Variants in EFCAB11 observed in about 807,000 individuals in gnomAD.
EFCAB11 encodes EF-hand calcium binding domain 11.
Under a neutral mutation model 23.0 loss-of-function variants are expected in EFCAB11, and 14 were observed. That is an observed-to-expected ratio of 0.61 (90% CI 0.40 to 0.95). The LOEUF (loss-of-function observed/expected upper bound fraction) is 0.95. EFCAB11 is among the 40% of genes least tolerant of loss of function. EFCAB11 has a pLI of 0.00. For missense variants in EFCAB11, 198 were observed against 195.8 expected, an observed-to-expected ratio of 1.01 and a Z score of -0.07; for synonymous variants, 65 against 66.6, an observed-to-expected ratio of 0.98 and a Z score of 0.11.
chr14:89,863,012 C>G (rs1360627185), intron 5 of EFCAB11, among the ~76,000 whole-genome samples: 1 of 152,076 alleles, frequency 6.6e-6, no homozygotes, highest in African/African-American at 2.4e-5. Context: ...TAATGTGCAT[C>G]TTCTATGTGC....
At chr14:89,841,526 G>A (rs1750636187) in intron 5 of EFCAB11, among the ~76,000 whole-genome samples, 1 of 151,842 alleles carries the variant, frequency 6.6e-6, no homozygotes, top group South Asian at 2.1e-4. Context: ...TATTGTTCTG[G>A]AAGCAGTCAA....
chr14:89,918,594 A>G (rs1889925858), intron 5 of EFCAB11, among the ~76,000 whole-genome samples: 1 of 151,966 alleles, frequency 6.6e-6, no homozygotes, highest in African/African-American at 2.4e-5. Flanking sequence ...CAGAAAAGAG[A>G]TGAAGAGAAG....
At chr14:89,799,918 G>T (rs1161800742) in intron 5 of EFCAB11, among the ~76,000 whole-genome samples, 1 of 152,164 alleles carries the variant, frequency 6.6e-6, no homozygotes, top group Non-Finnish European at 1.5e-5. Flanking sequence ...GGGCGTGGTG[G>T]CTCATGCTTG....
intron 5 of EFCAB11, among the ~76,000 whole-genome samples, chr14:89,810,347 A>C (rs1217890685): frequency 6.6e-6 from 1 of 152,194 alleles, no homozygotes; most frequent in African/African-American, 2.4e-5. Flanking sequence ...CTGCTATTTA[A>C]ATGTAAAACA....
At position 89,809,608 on chromosome 14, in the gene EFCAB11, TTAAG is replaced by T. The variant is rs1348482198; in HGVS notation, c.411-12288_411-12285del. Among the ~76,000 whole-genome samples the T allele has an allele frequency of 3.3e-5, 5 of 152,282 alleles. No individual in the cohort carries two copies. In the East Asian group the frequency reaches 9.6e-4, roughly 29 times the overall value. ...TATTTCAGGATATTTATTAAACAAA[TTAAG>T]TATTTACATTATGCTCAAGCACAGA... On this transcript the variant is annotated intron_variant, in intron 5 of 5. Coordinates refer to ENST00000316738, the MANE Select transcript of EFCAB11 (RefSeq NM_145231.4).
intron 5 of EFCAB11, among the ~76,000 whole-genome samples, chr14:89,866,031 C>G (rs1250051705): frequency 6.6e-6 from 1 of 152,008 alleles, no homozygotes; most frequent in Non-Finnish European, 1.5e-5. Flanking sequence ...GTGATCCGCC[C>G]ACCTCAGCCT....
chr14:89,889,196 A>T (rs1364825836), intron 5 of EFCAB11, among the ~76,000 whole-genome samples: 1 of 152,174 alleles, frequency 6.6e-6, no homozygotes, highest in Non-Finnish European at 1.5e-5. Context: ...TTTTTTTGAC[A>T]ATTTATTTTA....
At chr14:89,904,994 AAAGT>A (rs1183355706) in intron 5 of EFCAB11, among the ~76,000 whole-genome samples, 1 of 152,160 alleles carries the variant, frequency 6.6e-6, no homozygotes, top group African/African-American at 2.4e-5. Context: ...CTCTTTGCTC[AAAGT>A]AAGTCACAAG....
At chr14:89,932,773 A>C (rs1362523818) in intron 3 of EFCAB11, 146 bp from the exon 4 acceptor site, 1 of 666,476 alleles carries the variant, frequency 1.5e-6, no homozygotes, top group Non-Finnish European at 2.5e-6. Flanking sequence ...AGATCTGTGA[A>C]GTTTCCTGAA....
At chr14:89,832,759 T>C (rs1404258535) in intron 5 of EFCAB11, among the ~76,000 whole-genome samples, 1 of 152,242 alleles carries the variant, frequency 6.6e-6, no homozygotes, top group Non-Finnish European at 1.5e-5. Context: ...TAGAATCTCA[T>C]GTACTTTATT....
chr14:89,802,478 G>A (rs1421130703), intron 5 of EFCAB11, among the ~76,000 whole-genome samples: 4 of 152,172 alleles, frequency 2.6e-5, no homozygotes, highest in African/African-American at 7.2e-5. Flanking sequence ...TGCAACCTCT[G>A]CCTCCCAGAA....
chr14:89,905,805 G>C (rs1015152031), intron 5 of EFCAB11, among the ~76,000 whole-genome samples: 2 of 152,118 alleles, frequency 1.3e-5, no homozygotes, highest in African/African-American at 4.8e-5. Flanking sequence ...GATGAGAAGA[G>C]GGCTGACAGC....
At chr14:89,805,555 C>T (rs1224766068) in intron 5 of EFCAB11, among the ~76,000 whole-genome samples, 2 of 152,164 alleles carry the variant, frequency 1.3e-5, no homozygotes, top group Non-Finnish European at 2.9e-5. Flanking sequence ...GTTCTATGCT[C>T]CAATGGTACA....
At chr14:89,842,314 C>T (rs1040251472) in intron 5 of EFCAB11, among the ~76,000 whole-genome samples, 1 of 152,202 alleles carries the variant, frequency 6.6e-6, no homozygotes. Flanking sequence ...CTGGGCGGGG[C>T]GTGGTGGCTC....
intron 5 of EFCAB11, among the ~76,000 whole-genome samples, chr14:89,852,563 G>A (rs370917627): frequency 6.4e-4 from 97 of 152,214 alleles, no homozygotes; most frequent in Middle Eastern, 6.8e-3. Flanking sequence ...CCCAAGACAC[G>A]TACACAACTT....
At chr14:89,847,510 C>T (rs948264162) in intron 5 of EFCAB11, among the ~76,000 whole-genome samples, 7 of 152,040 alleles carry the variant, frequency 4.6e-5, no homozygotes, top group African/African-American at 1.2e-4. Context: ...GAGGCAGAGG[C>T]GGGCGGATCA....
chr14:89,904,027 T>C (rs1889416154), intron 5 of EFCAB11, among the ~76,000 whole-genome samples: 1 of 152,194 alleles, frequency 6.6e-6, no homozygotes, highest in African/African-American at 2.4e-5. Context: ...GTGCACAACA[T>C]GCAGGTTTGT....
rs114720676 is a variant in EFCAB11 at position 89,882,794 on chromosome 14, G to A, written c.410+48747C>T. On this transcript the variant is annotated intron_variant, in intron 5 of 5. Transcript: ENST00000316738. ...CTACAGCTACCGCTATGGTTTGGAT[G>A]TTTGTCCCCTCAGACCTCCAGCTGA... Among the ~76,000 whole-genome samples, 570 of 152,272 alleles carry A rather than the reference G, an allele frequency of 3.7e-3. 3 individuals carry two copies. The highest frequency in any genetic ancestry group is 0.013 in the African/African-American group (521 of 41,554).
At chr14:89,812,346 G>A (rs1046889117) in intron 5 of EFCAB11, among the ~76,000 whole-genome samples, 2 of 152,188 alleles carry the variant, frequency 1.3e-5, no homozygotes, top group African/African-American at 4.8e-5. Context: ...GTGTATTCCT[G>A]GATGGGAAGA....
Sources: gnomAD v4.1 joint callset for allele counts (sites outside exome capture counted in the v4.1 genomes callset) on GRCh38, gnomAD v4.1.1 for gene constraint, MANE v1.5 for transcripts, NCBI Gene and HGNC (gene_info 2026-07-23, HGNC 2026-07-21) for gene names.